The following PLPPR1 variants were observed in gnomAD, a reference collection of about 807,000 sequenced individuals.
PLPPR1 encodes the protein phospholipid phosphatase related 1, also known as phospholipid phosphatase-related protein type 1.
In PLPPR1, 10 loss-of-function variants were observed where a neutral mutation model predicts 33.1. The ratio of observed to expected loss-of-function variants is 0.30; its 90% CI spans 0.19 to 0.51. The LOEUF (loss-of-function observed/expected upper bound fraction) is 0.51. Among genes scored for constraint, PLPPR1 ranks in the 20% least tolerant of loss-of-function variants. The pLI is 0.97. For synonymous variants in PLPPR1, 151 were observed against 151.0 expected (o/e 1.00, Z 0.00); for missense variants, 304 against 408.1 (o/e 0.74, Z 2.20).
chr9:101,247,716 A>G (rs1305569776), intron 2 of PLPPR1, among the ~76,000 whole-genome samples: 3 of 152,038 alleles, frequency 2.0e-5, no homozygotes, highest in Non-Finnish European at 4.4e-5. Flanking sequence ...TGTGTTTGCA[A>G]TCACTGGGGA....
chr9:101,282,154 A>C (rs1828315344), intron 3 of PLPPR1, among the ~76,000 whole-genome samples: 1 of 152,178 alleles, frequency 6.6e-6, no homozygotes, highest in Non-Finnish European at 1.5e-5. Context: ...ACATAGATAC[A>C]AAGATGCTCA....
At chr9:101,207,152 T>C (rs1826603823) in intron 2 of PLPPR1, among the ~76,000 whole-genome samples, 1 of 152,202 alleles carries the variant, frequency 6.6e-6, no homozygotes, top group Admixed American at 6.5e-5. Flanking sequence ...GACTATAAAC[T>C]CCATATCTGA....
intron 1 of PLPPR1, among the ~76,000 whole-genome samples, chr9:101,043,378 T>C (rs753129486): frequency 3.3e-5 from 5 of 151,444 alleles, no homozygotes; most frequent in Non-Finnish European, 7.4e-5. Flanking sequence ...CATATGTATA[T>C]ACGTATATAC....
intron 1 of PLPPR1, among the ~76,000 whole-genome samples, chr9:101,111,076 C>T (rs1831049858): frequency 6.6e-6 from 1 of 151,728 alleles, no homozygotes; most frequent in African/African-American, 2.4e-5. Flanking sequence ...AGATGATGAC[C>T]CTTGGAAAAG....
chr9:101,132,736 G>C (rs73656151), intron 1 of PLPPR1, among the ~76,000 whole-genome samples: 158 of 152,268 alleles, frequency 1.0e-3, no homozygotes, highest in African/African-American at 3.7e-3. Flanking sequence ...TTGTTACTGG[G>C]GAAGGCTCTG....
At chr9:101,222,996 A>C (rs1375744325) in intron 2 of PLPPR1, among the ~76,000 whole-genome samples, 2 of 151,834 alleles carry the variant, frequency 1.3e-5, no homozygotes, top group African/African-American at 4.8e-5. Flanking sequence ...CTACCATCTA[A>C]GAGTATGAAG....
chr9:101,310,645 CTTTAA>C (rs1275877046), intron 5 of PLPPR1, among the ~76,000 whole-genome samples: 6 of 152,194 alleles, frequency 3.9e-5, no homozygotes, highest in African/African-American at 9.7e-5. Context: ...CCAAATGATT[CTTTAA>C]TTTGTCACAT....
rs1038026911 is a variant in PLPPR1 at position 101,216,377 on chromosome 9, G to T, written c.63+30820G>T. 3.6e-4 allele frequency among the ~76,000 whole-genome samples: 52 copies of T among 144,044 alleles called. 1 individual carries two copies. The highest frequency in any genetic ancestry group is 1.2e-4 in the Non-Finnish European group (8 of 67,892). The allele number at this position is 144,044 out of a possible 152,430, so 94.5% of individuals were successfully genotyped here. Reference sequence around the variant, plus strand: ...TTGCCCATTTTGATTGGATTTTTTTGTTTGTTTGTTTTCCTCTTGAGTTGT... The same window carrying T: ...TTGCCCATTTTGATTGGATTTTTTTTTTTGTTTGTTTTCCTCTTGAGTTGT... On this transcript the variant is annotated intron_variant, in intron 2 of 7. Transcript: ENST00000374874.
At chr9:101,078,802 A>G (rs1376633913) in intron 1 of PLPPR1, among the ~76,000 whole-genome samples, 13 of 151,678 alleles carry the variant, frequency 8.6e-5, no homozygotes, top group Non-Finnish European at 1.5e-5. Context: ...CAATTCTTGT[A>G]TGTTTCTTAG....
At chr9:101,288,319 A>T (rs1229419324) in intron 4 of PLPPR1, among the ~76,000 whole-genome samples, 1 of 152,180 alleles carries the variant, frequency 6.6e-6, no homozygotes, top group Non-Finnish European at 1.5e-5. Context: ...GGAGCATCAA[A>T]TTCCCATTTA....
chr9:101,283,462 A>G (rs1828337256), intron 3 of PLPPR1, among the ~76,000 whole-genome samples: 1 of 152,222 alleles, frequency 6.6e-6, no homozygotes. Context: ...ATCCACATGC[A>G]GAAGAGTAAA....
chr9:101,111,408 A>G (rs1228357268), intron 1 of PLPPR1, among the ~76,000 whole-genome samples: 7 of 152,298 alleles, frequency 4.6e-5, no homozygotes, highest in Admixed American at 4.6e-4. Context: ...TGCTTATGCA[A>G]TAGAATTTAT....
intron 1 of PLPPR1, among the ~76,000 whole-genome samples, chr9:101,113,990 A>G (rs1831089680): frequency 1.3e-5 from 2 of 152,270 alleles, no homozygotes; most frequent in African/African-American, 4.8e-5. Flanking sequence ...AAGCACAGAT[A>G]AGGAAGGAGG....
chr9:101,246,705 A>C (rs1022290086), intron 2 of PLPPR1, among the ~76,000 whole-genome samples: 12 of 151,904 alleles, frequency 7.9e-5, no homozygotes, highest in African/African-American at 2.9e-4. Flanking sequence ...GTAACAAAGC[A>C]CTCCAAAATT....
intron 1 of PLPPR1, among the ~76,000 whole-genome samples, chr9:101,183,452 G>C (rs1419662033): frequency 1.3e-5 from 2 of 151,654 alleles, no homozygotes; most frequent in Non-Finnish European, 3.0e-5. Context: ...TCCAGAAAAG[G>C]CAAATCTGTA....
chr9:101,126,708 G>A (rs1245273490), intron 1 of PLPPR1, among the ~76,000 whole-genome samples: 1 of 152,160 alleles, frequency 6.6e-6, no homozygotes, highest in African/African-American at 2.4e-5. Context: ...AATTCAGCAG[G>A]TGGAGCTGAC....
intron 4 of PLPPR1, among the ~76,000 whole-genome samples, chr9:101,295,218 A>G (rs1485119733): frequency 3.3e-5 from 5 of 151,964 alleles, no homozygotes; most frequent in African/African-American, 1.2e-4. Context: ...CAAAGAGAAT[A>G]AAATACCTAG....
At chr9:101,168,437 C>T (rs1340604173) in intron 1 of PLPPR1, among the ~76,000 whole-genome samples, 1 of 152,116 alleles carries the variant, frequency 6.6e-6, no homozygotes, top group Non-Finnish European at 1.5e-5. Flanking sequence ...AATCCTTCTC[C>T]TTCCTCCTGG....
rs571089329 is a variant in PLPPR1 at position 101,210,924 on chromosome 9, C to T, written c.63+25367C>T. On this transcript the variant is annotated intron_variant, in intron 2 of 7. Transcript: ENST00000374874. The stretch of plus-strand genomic sequence containing the variant: ...CTGGGACTACAGGCGCCTGCCACCA[C>T]GCCTGGCTAATTTTTTGTATTTTTA... Among the ~76,000 whole-genome samples, 6 of 152,184 alleles carry T rather than the reference C, an allele frequency of 3.9e-5. No homozygotes were observed. The East Asian group carries it at 9.7e-4, about 25-fold the overall frequency.
Sources: gnomAD v4.1 joint callset for allele counts (sites outside exome capture counted in the v4.1 genomes callset) on GRCh38, gnomAD v4.1.1 for gene constraint, MANE v1.5 for transcripts, NCBI Gene and HGNC (gene_info 2026-07-23, HGNC 2026-07-21) for gene names.